Variants in LRBA observed in about 807,000 individuals in gnomAD.
LRBA encodes the protein lipopolysaccharide-responsive and beige-like anchor protein.
In LRBA, 176 loss-of-function variants were observed where a neutral mutation model predicts 330.0. That is an observed-to-expected ratio of 0.53 (90% CI 0.47 to 0.60). LRBA has a LOEUF of 0.60. Among genes scored for constraint, LRBA ranks in the 20% least tolerant of loss-of-function variants. LRBA has a pLI of 0.00. For missense variants in LRBA, 3,259 were observed against 3,444.8 expected (o/e 0.95, Z 1.35); for synonymous variants, 1,230 against 1,193.0 (o/e 1.03, Z -0.64).
chr4:150,589,361 A>G (rs751157197), intron 39 of LRBA, among the ~76,000 whole-genome samples: 22 of 152,154 alleles, frequency 1.4e-4, no homozygotes, highest in South Asian at 4.2e-4. Context: ...TGCTCTGCGG[A>G]GATCAGAGCA....
At chr4:150,558,177 A>G (rs973877686) in intron 40 of LRBA, among the ~76,000 whole-genome samples, 10 of 152,162 alleles carry the variant, frequency 6.6e-5, no homozygotes, top group Non-Finnish European at 1.5e-4. Flanking sequence ...AGAATTACAG[A>G]CATGAGCCAC....
intron 29 of LRBA, among the ~76,000 whole-genome samples, chr4:150,828,922 G>GGTGTGTGTGTGTGTGTGTGTGTGTGT: frequency 9.4e-6 from 1 of 106,238 alleles, no homozygotes; most frequent in African/African-American, 4.5e-5. Context: ...CTTTTTTGGG[G>GGTGTGTGTGTGTGTGTGTGTGTGTGT]GTGTGTGTGT....
rs186731263 is a variant in LRBA, at chr4:150,791,650, G to A, written c.5580+6431C>T. 4.1e-3 allele frequency among the ~76,000 whole-genome samples: 626 copies of A among 152,242 alleles called. 15 individuals carry two copies. The highest frequency in any genetic ancestry group is 0.039 in the Admixed American group (599 of 15,284). ...GACCATAAAACTGAAAATTCTAAAT[G>A]TACAGAATAATGGCCTCCTCAAACT... On this transcript the variant is annotated intron_variant, in intron 34 of 56. Coordinates refer to ENST00000651943, the MANE Select transcript of LRBA (RefSeq NM_001364905.1).
At chr4:150,896,271 T>A (rs1579127413) in intron 16 of LRBA, 123 bp downstream of exon 16, 1 of 560,568 alleles carries the variant, frequency 1.8e-6, no homozygotes, top group African/African-American at 2.0e-5. Context: ...AGTTCCTAAG[T>A]AGACACATTT....
intron 26 of LRBA, among the ~76,000 whole-genome samples, chr4:150,847,775 C>T (rs1326644215): frequency 2.6e-5 from 4 of 152,124 alleles, no homozygotes; most frequent in Non-Finnish European, 5.9e-5. Flanking sequence ...GTCCAGTTAA[C>T]ATTAAAAAGT....
chr4:150,296,815 G>C (rs1358874667), intron 53 of LRBA, among the ~76,000 whole-genome samples: 1 of 152,124 alleles, frequency 6.6e-6, no homozygotes, highest in African/African-American at 2.4e-5. Flanking sequence ...TTTTTGGAAG[G>C]TAGTAAAGTC....
intron 2 of LRBA, among the ~76,000 whole-genome samples, chr4:151,006,629 A>C (rs993803347): frequency 4.6e-5 from 7 of 152,174 alleles, no homozygotes; most frequent in African/African-American, 1.7e-4. Context: ...ATAATAGATT[A>C]GTTCAACTAG....
chr4:150,896,266 C>T (rs768450626), intron 16 of LRBA, 128 bp downstream of exon 16: 115 of 546,822 alleles, frequency 2.1e-4, no homozygotes, highest in Non-Finnish European at 3.4e-4. Context: ...GGCTTAGTTC[C>T]TAAGTAGACA....
intron 39 of LRBA, among the ~76,000 whole-genome samples, chr4:150,589,130 T>C (rs1325638370): frequency 6.6e-6 from 1 of 151,968 alleles, no homozygotes; most frequent in Non-Finnish European, 1.5e-5. Context: ...TTCCTCATGG[T>C]ATAAATCCTA....
chr4:150,693,455 T>C (rs1247477490), intron 36 of LRBA, among the ~76,000 whole-genome samples: 1 of 146,102 alleles, frequency 6.8e-6, no homozygotes, highest in African/African-American at 2.5e-5. Context: ...TCCCAGCTAC[T>C]TGGGAGGCTG....
intron 40 of LRBA, among the ~76,000 whole-genome samples, chr4:150,509,617 GTTTTGTTTTGTTT>G (rs1287259939): frequency 2.5e-4 from 38 of 150,768 alleles, no homozygotes; most frequent in African/African-American, 9.0e-4. Context: ...CTGTTTTTGT[GTTTTGTTTTGTTT>G]TTTTAAAAAA....
At chr4:150,784,748 C>G (rs1417035440) in intron 34 of LRBA, among the ~76,000 whole-genome samples, 1 of 152,142 alleles carries the variant, frequency 6.6e-6, no homozygotes, top group African/African-American at 2.4e-5. Flanking sequence ...CTATTAAACT[C>G]TCTGCTCCTT....
At chr4:151,010,656 C>G (rs1422838437) in intron 2 of LRBA, among the ~76,000 whole-genome samples, 1 of 151,760 alleles carries the variant, frequency 6.6e-6, no homozygotes, top group Admixed American at 6.6e-5. Context: ...CCAAGGCAGG[C>G]AGATCACCTG....
At chr4:150,675,514 C>T (rs1395217102) in intron 37 of LRBA, among the ~76,000 whole-genome samples, 2 of 151,842 alleles carry the variant, frequency 1.3e-5, no homozygotes, top group Admixed American at 6.6e-5. Context: ...GTCAGGAGTT[C>T]GAGACCAGCC....
chr4:151,002,292 C>G (rs1357353542), intron 2 of LRBA, among the ~76,000 whole-genome samples: 2 of 149,826 alleles, frequency 1.3e-5, no homozygotes, highest in Non-Finnish European at 3.0e-5. Context: ...ACAGGCCAGG[C>G]ACGGTAGCTC....
intron 40 of LRBA, among the ~76,000 whole-genome samples, chr4:150,514,857 G>T (rs1762176743): frequency 6.6e-6 from 1 of 152,104 alleles, no homozygotes; most frequent in Non-Finnish European, 1.5e-5. Flanking sequence ...AAGCTTATTT[G>T]ATCTGTGAGC....
At chr4:150,636,888 A>G (rs1045201360) in intron 37 of LRBA, among the ~76,000 whole-genome samples, 10 of 152,054 alleles carry the variant, frequency 6.6e-5, no homozygotes, top group African/African-American at 2.2e-4. Flanking sequence ...AATTCAAGCA[A>G]TCCTCCACCT....
intron 44 of LRBA, among the ~76,000 whole-genome samples, chr4:150,464,859 A>G (rs1477962480): frequency 6.6e-6 from 1 of 152,088 alleles, no homozygotes; most frequent in Non-Finnish European, 1.5e-5. Flanking sequence ...AATTGTTTCT[A>G]GTTTGCTAAC....
At chr4:151,007,632 C>T (rs927554565) in intron 2 of LRBA, among the ~76,000 whole-genome samples, 1 of 151,720 alleles carries the variant, frequency 6.6e-6, no homozygotes, top group Non-Finnish European at 1.5e-5. Context: ...CCGAGATAGG[C>T]GGATCACGAG....
Sources: gnomAD v4.1 joint callset for allele counts (sites outside exome capture counted in the v4.1 genomes callset) on GRCh38, gnomAD v4.1.1 for gene constraint, MANE v1.5 for transcripts, NCBI Gene and HGNC (gene_info 2026-07-23, HGNC 2026-07-21) for gene names.